The following RNF180 variants were observed in gnomAD, a reference collection of about 807,000 sequenced individuals.
RNF180 encodes the protein E3 ubiquitin-protein ligase RNF180.
In RNF180, 38 loss-of-function variants were observed where a neutral mutation model predicts 59.2. The observed-to-expected ratio is 0.64, with a 90% CI of 0.50 to 0.84. The LOEUF is 0.84. Ranked by LOEUF, RNF180 falls within the 40% of genes least tolerant of loss-of-function variation. The pLI, the probability that RNF180 is intolerant of heterozygous loss-of-function variation, is 0.00. For missense variants in RNF180, 705 were observed against 700.9 expected (o/e 1.01, Z -0.07); for synonymous variants, 262 against 240.3 (o/e 1.09, Z -0.84).
chr5:64,216,870 T>C (rs935449493), intron 4 of RNF180, among the ~76,000 whole-genome samples: 4 of 152,194 alleles, frequency 2.6e-5, no homozygotes, highest in African/African-American at 9.6e-5. Flanking sequence ...AATAAAATTA[T>C]TCTCTACATA....
intron 5 of RNF180, among the ~76,000 whole-genome samples, chr5:64,259,846 G>A (rs1022432932): frequency 5.3e-5 from 8 of 151,998 alleles, no homozygotes; most frequent in African/African-American, 9.7e-5. Context: ...ACTTGAACCC[G>A]GGAGGCGGAG....
chr5:64,216,610 A>C (rs1752643267), intron 4 of RNF180, among the ~76,000 whole-genome samples: 1 of 152,294 alleles, frequency 6.6e-6, no homozygotes, highest in Non-Finnish European at 1.5e-5. Flanking sequence ...TCTTTCAGTA[A>C]TCTATGCCAT....
At chr5:64,300,486 A>G (rs556584407) in intron 5 of RNF180, among the ~76,000 whole-genome samples, 91 of 151,912 alleles carry the variant, frequency 6.0e-4, no homozygotes, top group African/African-American at 2.1e-3. Context: ...TTTATTTCCG[A>G]CTTACAGTGG....
chr5:64,175,062 G>A (rs1205417615), intron 1 of RNF180, among the ~76,000 whole-genome samples: 4 of 148,326 alleles, frequency 2.7e-5, no homozygotes, highest in Non-Finnish European at 5.9e-5. Context: ...CCACCTCCCG[G>A]GTTCAAATGA....
chr5:64,226,087 C>T (rs1239056512), intron 5 of RNF180, among the ~76,000 whole-genome samples: 1 of 151,896 alleles, frequency 6.6e-6, no homozygotes. Flanking sequence ...AGGAGCGCCT[C>T]TGCCTGGCTG....
At chr5:64,183,928 T>G (rs1750745415) in intron 1 of RNF180, among the ~76,000 whole-genome samples, 1 of 152,244 alleles carries the variant, frequency 6.6e-6, no homozygotes, top group South Asian at 2.1e-4. Flanking sequence ...GTTGAAGGCC[T>G]AATTCCTAGT....
intron 5 of RNF180, among the ~76,000 whole-genome samples, chr5:64,318,952 T>A (rs142810541): frequency 1.3e-5 from 2 of 152,246 alleles, no homozygotes; most frequent in Admixed American, 6.5e-5. Flanking sequence ...ACAAAACTCA[T>A]AGAATTGTGC....
At chr5:64,335,014 A>G (rs960172500) in intron 7 of RNF180, among the ~76,000 whole-genome samples, 3 of 152,184 alleles carry the variant, frequency 2.0e-5, no homozygotes, top group Non-Finnish European at 4.4e-5. Flanking sequence ...AGCTTTGTCT[A>G]CCACATTTGG....
At chr5:64,278,746 G>A (rs545262633) in intron 5 of RNF180, among the ~76,000 whole-genome samples, 8 of 152,272 alleles carry the variant, frequency 5.3e-5, no homozygotes, top group Non-Finnish European at 1.0e-4. Context: ...GCCTGCCTTT[G>A]CCTGTGTGGC....
intron 5 of RNF180, among the ~76,000 whole-genome samples, chr5:64,294,101 G>A (rs1742754977): frequency 6.6e-6 from 1 of 152,148 alleles, no homozygotes; most frequent in Non-Finnish European, 1.5e-5. Flanking sequence ...CTAACCACCT[G>A]CCTACCGTTT....
intron 7 of RNF180, among the ~76,000 whole-genome samples, chr5:64,331,620 G>A (rs1275541445): frequency 1.3e-5 from 2 of 152,132 alleles, no homozygotes; most frequent in Non-Finnish European, 2.9e-5. Flanking sequence ...ACTCAGTGAA[G>A]CTCCTCTCCA....
intron 5 of RNF180, among the ~76,000 whole-genome samples, chr5:64,288,142 C>A (rs183964076): frequency 1.0e-3 from 158 of 152,246 alleles, no homozygotes; most frequent in African/African-American, 3.7e-3. Flanking sequence ...CTCCCGGCAC[C>A]ATTTATTAAG....
chr5:64,362,022 A>C (rs1746274267), intron 7 of RNF180, among the ~76,000 whole-genome samples: 1 of 151,508 alleles, frequency 6.6e-6, no homozygotes, highest in Non-Finnish European at 1.5e-5. Context: ...GAAAGAAATT[A>C]GAAATTTAAA....
At chr5:64,215,599 C>T (rs1377882226) in intron 4 of RNF180, among the ~76,000 whole-genome samples, 2 of 152,012 alleles carry the variant, frequency 1.3e-5, no homozygotes, top group Non-Finnish European at 2.9e-5. Context: ...GTATATATTA[C>T]AGAATGTAAA....
intron 5 of RNF180, among the ~76,000 whole-genome samples, chr5:64,245,967 C>A (rs1213905930): frequency 6.6e-6 from 1 of 152,172 alleles, no homozygotes; most frequent in African/African-American, 2.4e-5. Flanking sequence ...TCACTCAAAA[C>A]CACACAACTA....
chr5:64,339,600 ATGGT>A (rs1214206847), intron 7 of RNF180, among the ~76,000 whole-genome samples: 2 of 152,106 alleles, frequency 1.3e-5, no homozygotes, highest in African/African-American at 4.8e-5. Context: ...CTTGGTTTTC[ATGGT>A]TGGTAGATGG....
intron 5 of RNF180, among the ~76,000 whole-genome samples, chr5:64,223,184 ATTTC>A (rs1014587940): frequency 1.3e-5 from 2 of 152,094 alleles, no homozygotes; most frequent in Non-Finnish European, 2.9e-5. Flanking sequence ...GTCTACCCTC[ATTTC>A]TTGGCTTGTG....
At chr5:64,359,603 G>T (rs1208480680) in intron 7 of RNF180, among the ~76,000 whole-genome samples, 1 of 151,316 alleles carries the variant, frequency 6.6e-6, no homozygotes, top group Non-Finnish European at 1.5e-5. Flanking sequence ...CACTCTGATG[G>T]TAGTTTCTTT....
intron 5 of RNF180, among the ~76,000 whole-genome samples, chr5:64,265,407 G>A (rs1460094867): frequency 2.6e-5 from 4 of 152,142 alleles, no homozygotes; most frequent in Admixed American, 1.3e-4. Context: ...TTTTGTGTAA[G>A]GTGTAAGGGA....
Sources: gnomAD v4.1 joint callset for allele counts (sites outside exome capture counted in the v4.1 genomes callset) on GRCh38, gnomAD v4.1.1 for gene constraint, MANE v1.5 for transcripts, NCBI Gene and HGNC (gene_info 2026-07-23, HGNC 2026-07-21) for gene names.